ZDHHC17: variants seen among roughly 807,000 people sequenced by gnomAD.
ZDHHC17 encodes the protein zDHHC palmitoyltransferase 17.
Under a neutral mutation model 90.3 loss-of-function variants are expected in ZDHHC17, and 40 were observed. That is an observed-to-expected ratio of 0.44 (90% CI 0.34 to 0.58). The LOEUF (loss-of-function observed/expected upper bound fraction) is 0.58. Among genes scored for constraint, ZDHHC17 ranks in the 20% least tolerant of loss-of-function variants. The pLI is 0.01. For missense variants in ZDHHC17, 614 were observed against 780.8 expected, an observed-to-expected ratio of 0.79 and a Z score of 2.55; for synonymous variants, 235 against 252.4, an observed-to-expected ratio of 0.93 and a Z score of 0.65.
intron 6 of ZDHHC17, among the ~76,000 whole-genome samples, chr12:76,815,655 A>G (rs1364730125): frequency 2.0e-5 from 3 of 151,884 alleles, no homozygotes; most frequent in Non-Finnish European, 2.9e-5. Context: ...CTATTAATAT[A>G]TTATTTTATA....
intron 1 of ZDHHC17, among the ~76,000 whole-genome samples, chr12:76,785,380 C>T (rs557243035): frequency 1.3e-5 from 2 of 152,082 alleles, no homozygotes; most frequent in South Asian, 4.2e-4. Flanking sequence ...TTTGAAGTCC[C>T]CTCATACTCG....
chr12:76,772,744 A>G (rs1354511956), intron 1 of ZDHHC17, among the ~76,000 whole-genome samples: 1 of 141,396 alleles, frequency 7.1e-6, no homozygotes, highest in Non-Finnish European at 1.5e-5. Context: ...ACAGGGTTTC[A>G]CTATGTTACC....
Position 76,815,269 on chromosome 12 carries a change from A to T in ZDHHC17, c.608+59A>T. ...ATTTCAGCATAATACAATATGAAGT[A>T]AGAGAGAGGAAAAAGCAGTTAATAC... On this transcript the variant is annotated intron_variant, in intron 6 of 16. Coordinates refer to ENST00000426126, the MANE Select transcript of ZDHHC17 (RefSeq NM_015336.4). The T allele has an allele frequency of 2.5e-6, 3 of 1,219,636 alleles. No homozygotes were observed. The African/African-American group carries it at 4.6e-5, about 19-fold the overall frequency. 75.6% of individuals were successfully genotyped at this position (1,219,636 alleles called of 1,614,324 possible). A position where few individuals can be genotyped will look rare whatever the true frequency, so the allele number is the denominator to read the frequency against.
At chr12:76,793,973 C>T (rs1432423614) in intron 1 of ZDHHC17, among the ~76,000 whole-genome samples, 1 of 152,124 alleles carries the variant, frequency 6.6e-6, no homozygotes, top group Non-Finnish European at 1.5e-5. Context: ...GCAAGCTCCA[C>T]CTCCTGGGTT....
intron 1 of ZDHHC17, among the ~76,000 whole-genome samples, chr12:76,778,779 G>A (rs914847218): frequency 2.6e-5 from 4 of 152,088 alleles, no homozygotes; most frequent in Admixed American, 1.3e-4. Flanking sequence ...GTCTCTTCAC[G>A]TCTGTATGAC....
intron 12 of ZDHHC17, among the ~76,000 whole-genome samples, chr12:76,843,502 ATCC>A (rs1592499002): frequency 6.6e-6 from 1 of 152,028 alleles, no homozygotes; most frequent in East Asian, 1.9e-4. Flanking sequence ...TAAAGTGGTC[ATCC>A]TCATCCAGGT....
At chr12:76,809,209 T>C (rs11115504) in intron 4 of ZDHHC17, 89 bp downstream of exon 4, 12,876 of 805,070 alleles carry the variant, frequency 0.016, 119 homozygotes, top group Non-Finnish European at 0.02. Context: ...CTAAAATGAA[T>C]AGGAGAGCTT....
At chr12:76,805,944 T>C in intron 3 of ZDHHC17, among the ~76,000 whole-genome samples, 1 of 152,228 alleles carries the variant, frequency 6.6e-6, no homozygotes, top group Non-Finnish European at 1.5e-5. Context: ...CTTTGCATAC[T>C]AAGTGTAAAA....
chr12:76,827,243 A>T (rs1402562901), intron 9 of ZDHHC17, among the ~76,000 whole-genome samples, 193 bp downstream of exon 9: 1 of 152,174 alleles, frequency 6.6e-6, no homozygotes, highest in Non-Finnish European at 1.5e-5. Context: ...CACTTTAATG[A>T]TAAAAGCTAG....
intron 10 of ZDHHC17, among the ~76,000 whole-genome samples, chr12:76,837,167 ACT>A (rs1267138906): frequency 1.3e-5 from 2 of 152,084 alleles, no homozygotes; most frequent in Admixed American, 6.6e-5. Context: ...ACAGAGTTTT[ACT>A]CTGTTTCCCA....
chr12:76,801,608 C>T (rs1952891508), intron 2 of ZDHHC17, among the ~76,000 whole-genome samples: 2 of 151,822 alleles, frequency 1.3e-5, no homozygotes, highest in African/African-American at 2.4e-5. Flanking sequence ...GAGCCGAGAT[C>T]GCGCCACTGT....
intron 7 of ZDHHC17, among the ~76,000 whole-genome samples, chr12:76,816,335 T>C (rs1188469881): frequency 6.6e-6 from 1 of 152,004 alleles, no homozygotes; most frequent in Non-Finnish European, 1.5e-5. Flanking sequence ...CAATTAACAT[T>C]TGCACTCTAA....
intron 7 of ZDHHC17, among the ~76,000 whole-genome samples, chr12:76,817,502 T>G (rs1953104172): frequency 6.6e-6 from 1 of 152,134 alleles, no homozygotes; most frequent in Admixed American, 6.5e-5. Flanking sequence ...ATCAGTATAC[T>G]GAAATTATAG....
intron 1 of ZDHHC17, among the ~76,000 whole-genome samples, chr12:76,793,480 A>G (rs964889334): frequency 1.3e-5 from 2 of 152,304 alleles, no homozygotes; most frequent in Admixed American, 1.3e-4. Context: ...AGATCATGCC[A>G]CTGCACTCCA....
chr12:76,800,501 T>C (rs768489648), intron 2 of ZDHHC17, among the ~76,000 whole-genome samples: 1 of 152,238 alleles, frequency 6.6e-6, no homozygotes, highest in Non-Finnish European at 1.5e-5. Context: ...CAATTTTTGC[T>C]TCAAATATTT....
chr12:76,805,963 A>C (rs906446557), intron 3 of ZDHHC17, among the ~76,000 whole-genome samples: 2 of 152,252 alleles, frequency 1.3e-5, no homozygotes, highest in Admixed American at 1.3e-4. Flanking sequence ...AATGATTTTT[A>C]TCCATCACTG....
intron 2 of ZDHHC17, among the ~76,000 whole-genome samples, chr12:76,804,295 A>G (rs1279599753): frequency 1.3e-5 from 2 of 152,236 alleles, no homozygotes; most frequent in African/African-American, 2.4e-5. Flanking sequence ...ACAAATGCCC[A>G]TAACTTACCA....
chr12:76,816,985 A>G (rs1277269123), intron 7 of ZDHHC17, among the ~76,000 whole-genome samples: 1 of 152,008 alleles, frequency 6.6e-6, no homozygotes, highest in East Asian at 1.9e-4. Context: ...CATATCTGCC[A>G]CTAAACATAG....
intron 1 of ZDHHC17, among the ~76,000 whole-genome samples, chr12:76,791,805 T>TC (rs1952762987): frequency 6.6e-6 from 1 of 152,092 alleles, no homozygotes; most frequent in South Asian, 2.1e-4. Context: ...TTCCCATGAC[T>TC]CCCTCCTCAG....
Sources: gnomAD v4.1 joint callset for allele counts (sites outside exome capture counted in the v4.1 genomes callset) on GRCh38, gnomAD v4.1.1 for gene constraint, MANE v1.5 for transcripts, NCBI Gene and HGNC (gene_info 2026-07-23, HGNC 2026-07-21) for gene names.